Variants in HENMT1 observed in about 807,000 individuals in gnomAD.
The protein encoded by HENMT1 is HEN methyltransferase 1, also known as small RNA 2'-O-methyltransferase.
Under a neutral mutation model 31.1 loss-of-function variants are expected in HENMT1, and 27 were observed. That is an observed-to-expected ratio of 0.87 (90% CI 0.64 to 1.20). HENMT1 has a LOEUF of 1.20. Among genes scored for constraint, HENMT1 ranks in the 50% most tolerant of loss-of-function variants. The pLI is 0.00. For missense variants in HENMT1, 438 were observed against 469.6 expected (o/e 0.93, Z 0.62); for synonymous variants, 167 against 172.2 (o/e 0.97, Z 0.24).
intron 2 of HENMT1, among the ~76,000 whole-genome samples, chr1:108,658,914 T>C (rs1658354159): frequency 6.6e-6 from 1 of 152,246 alleles, no homozygotes; most frequent in South Asian, 2.1e-4. Context: ...GGGTATTTGA[T>C]ATCTGATGTA....
At chr1:108,654,564 T>C in intron 5 of HENMT1, 152 bp downstream of exon 5, 1 of 715,398 alleles carries the variant, frequency 1.4e-6, no homozygotes, top group Non-Finnish European at 2.2e-6. Flanking sequence ...CTAAGTAAAA[T>C]GTTGGAAAAG....
At position 108,657,886 on chromosome 1, in the gene HENMT1, G is replaced by A. The variant is rs148760856; in HGVS notation, c.22-307C>T. On this transcript the variant is annotated intron_variant, in intron 2 of 7. Transcript: ENST00000651461. ...ACAATTAGATGACTCCTAACCATAA[G>A]GGACCTTTTGTGGAGTGAGTCGCCA... is the stretch of plus-strand genomic sequence containing the variant. 3.8e-3 allele frequency among the ~76,000 whole-genome samples: 572 copies of A among 152,000 alleles called. 14 individuals are homozygous for A. The highest frequency in any genetic ancestry group is 0.032 in the Admixed American group (495 of 15,234).
intron 2 of HENMT1, among the ~76,000 whole-genome samples, chr1:108,659,041 A>C (rs964137278): frequency 2.6e-5 from 4 of 152,224 alleles, no homozygotes; most frequent in African/African-American, 7.2e-5. Flanking sequence ...TTTACATAAA[A>C]TCAATATAAG....
chr1:108,657,676 C>A, intron 2 of HENMT1, 97 bp from the exon 3 acceptor site: 1 of 1,224,970 alleles, frequency 8.2e-7, no homozygotes, highest in South Asian at 1.4e-5. Flanking sequence ...TTCCCCCAAT[C>A]ACTTTGAAAA....
At chr1:108,653,279 G>T (rs1189606184) in intron 5 of HENMT1, among the ~76,000 whole-genome samples, 2 of 152,074 alleles carry the variant, frequency 1.3e-5, no homozygotes, top group Non-Finnish European at 2.9e-5. Context: ...GCCTCCCAAA[G>T]TGCTGGGATT....
intron 5 of HENMT1, among the ~76,000 whole-genome samples, chr1:108,654,470 G>A (rs758394010): frequency 1.6e-4 from 24 of 152,200 alleles, no homozygotes; most frequent in Non-Finnish European, 2.8e-4. Context: ...TTTAAAAAGT[G>A]AGATGTTAAC....
chr1:108,657,000 A>C lies in HENMT1; in HGVS notation c.150+451T>G, dbSNP rs576370045. ...TGTGTTCCAGGAAAGGGCTCACTGC[A>C]AAAAACCACCCTCCTCCATAAAACT... On this transcript the variant is annotated intron_variant, in intron 3 of 7. Coordinates refer to ENST00000651461, the MANE Select transcript of HENMT1 (RefSeq NM_001102592.2). 2.0e-5 allele frequency among the ~76,000 whole-genome samples: 3 copies of C among 152,332 alleles called. No homozygotes were observed. The South Asian group carries it at 6.2e-4, about 32-fold the overall frequency.
Position 108,648,889 on chromosome 1 carries a change from G to A in HENMT1, c.859C>T (p.Leu287=). 4 of 1,614,200 alleles carry A rather than the reference G, an allele frequency of 2.5e-6. No individual in the cohort carries two copies. The highest frequency in any genetic ancestry group is 3.4e-6 in the Non-Finnish European group (4 of 1,180,032). The change falls in exon 8 of 8, where the codon CTG becomes TTG. Residue 287 remains leucine, a synonymous_variant. Transcript: ENST00000651461. ...QQVESLRVSH[L]PRRKEQAGER... ...CCAGCCTGTTCTTTCCGCCTTGGCA[G>A]GTGGCTCACTCTTAAGCTTTCCACT...
intron 7 of HENMT1, 147 bp downstream of exon 7, chr1:108,650,064 T>C (rs1198576391): frequency 2.6e-6 from 2 of 760,530 alleles, no homozygotes; most frequent in African/African-American, 3.4e-5. Flanking sequence ...CGGACAGTAG[T>C]CATGGGGCCT....
chr1:108,649,275 G>A (rs1657972508), intron 7 of HENMT1: 1 of 541,702 alleles, frequency 1.8e-6, no homozygotes. Flanking sequence ...ACAGGGGCAA[G>A]GGCAAAAAAA....
chr1:108,649,960 A>G, intron 7 of HENMT1: 1 of 568,324 alleles, frequency 1.8e-6, no homozygotes, highest in Admixed American at 2.3e-5. Context: ...AGCTACTTTG[A>G]AGTATTCTAA....
rs1334220360 is a variant in HENMT1 at position 108,654,808 on chromosome 1, C to T, written c.306G>A (p.Arg102=). ...ACAATGTGATGGTCAAATTCAGATC[C>T]CGAGGTTTCAGAAAATCCCCCAGGA... The part of the protein sequence containing the change: ...APFLGDFLKP[R]DLNLTITLYH... Residue 102 remains arginine (R), a synonymous_variant, in exon 5 of 8, where the codon CGG becomes CGA. Coordinates refer to ENST00000651461, the MANE Select transcript of HENMT1 (RefSeq NM_001102592.2). The T allele has an allele frequency of 6.2e-7, 1 of 1,613,950 alleles. No individual in the cohort carries two copies. The highest frequency in any genetic ancestry group is 2.2e-5 in the East Asian group (1 of 44,884).
At chr1:108,653,612 A>G (rs1026809265) in intron 5 of HENMT1, among the ~76,000 whole-genome samples, 2 of 152,194 alleles carry the variant, frequency 1.3e-5, no homozygotes, top group African/African-American at 4.8e-5. Context: ...TGTCTTTTTA[A>G]TAACAGCCAT....
chr1:108,657,416 TTAA>T (rs1368883724), intron 3 of HENMT1, 32 bp downstream of exon 3: 1 of 1,513,580 alleles, frequency 6.6e-7, no homozygotes, highest in Non-Finnish European at 9.2e-7. Flanking sequence ...TCTACTAGTC[TTAA>T]TAATTAAATG....
Position 108,648,473 on chromosome 1 carries a change from A to C in HENMT1, c.*93T>G. The C allele has an allele frequency of 9.2e-7, 1 of 1,081,782 alleles. No individual in the cohort carries two copies. The highest frequency in any genetic ancestry group is 1.3e-6 in the Non-Finnish European group (1 of 760,852). The allele number at this position is 1,081,782 out of a possible 1,614,324, so 67.0% of individuals were successfully genotyped here. ...AGACTTTTGCAGTGAAACTTTAAAA[A>C]CATTACTTGAATTAGGATTACACAA... On this transcript the variant is annotated 3_prime_UTR_variant, in exon 8 of 8. Coordinates refer to ENST00000651461, the MANE Select transcript of HENMT1 (RefSeq NM_001102592.2).
At chr1:108,656,288 T>C (rs1177712130) in intron 3 of HENMT1, among the ~76,000 whole-genome samples, 1 of 152,160 alleles carries the variant, frequency 6.6e-6, no homozygotes, top group Admixed American at 6.5e-5. Flanking sequence ...GTGGTGGAGT[T>C]AAGGGAAACC....
chr1:108,652,566 C>T (rs189949032), intron 5 of HENMT1, among the ~76,000 whole-genome samples: 1 of 152,144 alleles, frequency 6.6e-6, no homozygotes, highest in East Asian at 1.9e-4. Flanking sequence ...TTGCTGCCAT[C>T]CCATCTAAGT....
At chr1:108,658,410 G>A (rs1406329226) in intron 2 of HENMT1, among the ~76,000 whole-genome samples, 1 of 152,138 alleles carries the variant, frequency 6.6e-6, no homozygotes, top group Non-Finnish European at 1.5e-5. Flanking sequence ...TGGGATTACA[G>A]GTGTAAGCCA....
At chr1:108,657,378 C>T in intron 3 of HENMT1, 73 bp downstream of exon 3, 3 of 1,085,282 alleles carry the variant, frequency 2.8e-6, no homozygotes, top group East Asian at 2.4e-5. Context: ...CATACTAATC[C>T]ATTTGACAAA....
Sources: allele counts gnomAD v4.1 joint callset (sites outside exome capture counted in the v4.1 genomes callset), GRCh38; gene constraint gnomAD v4.1.1; transcripts MANE v1.5; gene names NCBI Gene and HGNC (gene_info 2026-07-23, HGNC 2026-07-21).